DYM: variants seen among roughly 807,000 people sequenced by gnomAD.
DYM encodes the protein dyggve-Melchior-Clausen syndrome protein.
DYM carries 78 observed loss-of-function variants against 93.1 expected under a neutral mutation model. The observed-to-expected ratio is 0.84, with a 90% CI of 0.70 to 1.01. DYM has a LOEUF of 1.01. Among genes scored for constraint, DYM ranks in the 50% least tolerant of loss-of-function variants. The pLI, the probability that DYM is intolerant of heterozygous loss-of-function variation, is 0.00. For missense variants in DYM, 789 were observed against 845.0 expected (o/e 0.93, Z 0.82); for synonymous variants, 321 against 319.7 (o/e 1.00, Z -0.04).
intron 15 of DYM, among the ~76,000 whole-genome samples, chr18:49,141,226 A>G (rs2084454768): frequency 6.6e-6 from 1 of 152,078 alleles, no homozygotes; most frequent in Non-Finnish European, 1.5e-5. Context: ...GTTCCAAGCC[A>G]CTGTAATCTC....
At chr18:49,200,205 TAGAGAAAAGTG>T (rs1333721830) in intron 14 of DYM, among the ~76,000 whole-genome samples, 1 of 151,784 alleles carries the variant, frequency 6.6e-6, no homozygotes, top group Non-Finnish European at 1.5e-5. Context: ...GGGAGGAGGG[TAGAGAAAAGTG>T]AGAGAAAAAA....
intron 16 of DYM, among the ~76,000 whole-genome samples, chr18:49,111,297 T>C (rs921245521): frequency 2.6e-5 from 4 of 152,202 alleles, no homozygotes; most frequent in African/African-American, 7.2e-5. Flanking sequence ...TCCCACTTAG[T>C]TGACCTTCAC....
intron 6 of DYM, among the ~76,000 whole-genome samples, chr18:49,355,036 GAT>G (rs970236348): frequency 6.8e-6 from 1 of 146,660 alleles, no homozygotes; most frequent in Non-Finnish European, 1.5e-5. Context: ...TACTCTGTAT[GAT>G]ATGACAATGA....
chr18:49,199,067 T>C (rs978579159), intron 14 of DYM, among the ~76,000 whole-genome samples: 5 of 152,242 alleles, frequency 3.3e-5, no homozygotes, highest in African/African-American at 9.6e-5. Context: ...GATGAGTTAA[T>C]GTCCTTTGTA....
intron 6 of DYM, among the ~76,000 whole-genome samples, chr18:49,344,887 G>A (rs1233251380): frequency 1.3e-5 from 2 of 151,986 alleles, no homozygotes; most frequent in African/African-American, 4.8e-5. Context: ...AAATCTAGAG[G>A]GGCAGATAAA....
intron 15 of DYM, among the ~76,000 whole-genome samples, chr18:49,120,457 C>T (rs975117037): frequency 6.6e-6 from 1 of 152,122 alleles, no homozygotes; most frequent in African/African-American, 2.4e-5. Context: ...GGGATTGGTT[C>T]CAGGACATCC....
chr18:49,063,619 C>CTTTT (rs67482709), intron 17 of DYM, among the ~76,000 whole-genome samples: 9 of 71,978 alleles, frequency 1.3e-4, no homozygotes, highest in Admixed American at 1.5e-4. Context: ...CTTTCTCTCT[C>CTTTT]TTTTTTTTTT....
chr18:49,098,110 A>C (rs1282238670), intron 16 of DYM, among the ~76,000 whole-genome samples: 1 of 152,216 alleles, frequency 6.6e-6, no homozygotes, highest in Non-Finnish European at 1.5e-5. Context: ...CTGGAAATAC[A>C]CGGTCCCTAA....
chr18:49,158,047 T>C (rs1045985724), intron 15 of DYM, among the ~76,000 whole-genome samples: 1 of 152,228 alleles, frequency 6.6e-6, no homozygotes, highest in East Asian at 1.9e-4. Flanking sequence ...TTCACTTTCA[T>C]GCCCTCTTTG....
At chr18:49,449,624 G>GT (rs137911240) in intron 1 of DYM, among the ~76,000 whole-genome samples, 6,620 of 152,200 alleles carry the variant, frequency 0.043, 497 homozygotes, top group African/African-American at 0.15. Flanking sequence ...AAGGGTAAAA[G>GT]TTTTTTTACC....
At chr18:49,390,323 A>T (rs147737798) in intron 3 of DYM, among the ~76,000 whole-genome samples, 107 of 152,154 alleles carry the variant, frequency 7.0e-4, no homozygotes, top group African/African-American at 2.3e-3. Context: ...CCAGCTTCTG[A>T]GGAGGCTGAG....
Position 49,256,968 on chromosome 18 carries a change from A to C in DYM, c.1460+42T>G, listed in dbSNP as rs772452632. Reference sequence around the variant, plus strand: ...ACCATAGTATCCATCTTAATAGCTCAGCCAGAGGCAAATCAGTATTTCTTT... The same window carrying C: ...ACCATAGTATCCATCTTAATAGCTCCGCCAGAGGCAAATCAGTATTTCTTT... On this transcript the variant is annotated intron_variant, in intron 13 of 17. Coordinates refer to ENST00000675505, the MANE Select transcript of DYM (RefSeq NM_001353214.3). 2.6e-6 allele frequency: 4 copies of C among 1,521,000 alleles called. No homozygotes were observed. The Admixed American group carries it at 6.7e-5, about 25-fold the overall frequency. The allele number at this position is 1,521,000 out of a possible 1,614,324, so 94.2% of individuals were successfully genotyped here. A position where few individuals can be genotyped will look rare whatever the true frequency, so the allele number is the denominator to read the frequency against.
intron 15 of DYM, among the ~76,000 whole-genome samples, chr18:49,153,250 A>G (rs2086017397): frequency 6.6e-6 from 1 of 152,168 alleles, no homozygotes; most frequent in Admixed American, 6.5e-5. Flanking sequence ...ATTTATTATG[A>G]CTCATAAACC....
At chr18:49,205,627 G>A (rs1307026749) in intron 14 of DYM, among the ~76,000 whole-genome samples, 6 of 151,918 alleles carry the variant, frequency 3.9e-5, no homozygotes, top group South Asian at 2.1e-4. Context: ...AAAAATCATC[G>A]GCTGTCAGGA....
chr18:49,435,744 G>A (rs758212879), intron 1 of DYM, among the ~76,000 whole-genome samples: 2 of 152,002 alleles, frequency 1.3e-5, no homozygotes, highest in African/African-American at 2.4e-5. Flanking sequence ...AACCGAGATC[G>A]TGCCATTGCA....
chr18:49,363,178 G>T lies in DYM; in HGVS notation c.477C>A (p.Ile159=). Residue 159 remains isoleucine, a synonymous_variant, in exon 6 of 18, where the codon ATC becomes ATA. Transcript: ENST00000675505. ...EELLCCLMQL[I]TDIPLLDITY... ...GAACTTACAAGAGTGGAATATCAGT[G>T]ATCAACTGCATCAAACAGCACAGCA... is the stretch of plus-strand genomic sequence containing the variant. 6.2e-7 allele frequency: 1 copy of T among 1,613,744 alleles called. No individual in the cohort carries two copies. Among genetic ancestry groups the T allele is most frequent in the Non-Finnish European group, 8.5e-7 (1 of 1,179,730 alleles).
chr18:49,420,946 T>G (rs1600119249), intron 2 of DYM, among the ~76,000 whole-genome samples: 1 of 151,898 alleles, frequency 6.6e-6, no homozygotes, highest in African/African-American at 2.4e-5. Flanking sequence ...AACTACAAGG[T>G]GGCAGCGAGG....
intron 17 of DYM, among the ~76,000 whole-genome samples, chr18:49,067,393 A>G (rs1016360837): frequency 6.1e-4 from 57 of 93,916 alleles, no homozygotes; most frequent in Middle Eastern, 6.1e-3. Flanking sequence ...TAGGGGAAGG[A>G]GTAGGGTGAT....
intron 11 of DYM, 126 bp downstream of exon 11, chr18:49,272,051 CA>C (rs770071883): frequency 7.2e-5 from 41 of 571,768 alleles, no homozygotes; most frequent in Non-Finnish European, 1.0e-4. Flanking sequence ...TGAAGAAAGA[CA>C]TAACATTTCT....
Sources: allele counts gnomAD v4.1 joint callset (sites outside exome capture counted in the v4.1 genomes callset), GRCh38; gene constraint gnomAD v4.1.1; transcripts MANE v1.5; gene names NCBI Gene and HGNC (gene_info 2026-07-23, HGNC 2026-07-21).